Variants in PARD3 observed in about 807,000 individuals in gnomAD.
PARD3 encodes par-3 family cell polarity regulator.
In PARD3, 75 loss-of-function variants were observed where a neutral mutation model predicts 155.4. That is an observed-to-expected ratio of 0.48 (90% CI 0.40 to 0.58). The LOEUF (loss-of-function observed/expected upper bound fraction) is 0.58, where lower values mean the gene tolerates loss of function less well. PARD3 is among the 20% of genes least tolerant of loss of function. The pLI, the probability that PARD3 is intolerant of heterozygous loss-of-function variation, is 0.00. For missense variants in PARD3, 1,642 were observed against 1,721.7 expected (o/e 0.95, Z 0.82); for synonymous variants, 576 against 610.5 (o/e 0.94, Z 0.83).
intron 5 of PARD3, among the ~76,000 whole-genome samples, chr10:34,427,825 C>T (rs1315315577): frequency 2.6e-5 from 4 of 152,042 alleles, no homozygotes; most frequent in Non-Finnish European, 4.4e-5. Context: ...AAAGAAACTA[C>T]GTTGAATTAT....
intron 1 of PARD3, among the ~76,000 whole-genome samples, chr10:34,759,535 GGAT>G (rs140145657): frequency 1.4e-3 from 214 of 152,322 alleles, no homozygotes; most frequent in Admixed American, 2.7e-3. Flanking sequence ...TTTCACTGAA[GGAT>G]GATGCACATA....
intron 14 of PARD3, among the ~76,000 whole-genome samples, chr10:34,355,924 CAAA>C (rs869284165): frequency 9.4e-4 from 40 of 42,748 alleles, no homozygotes; most frequent in African/African-American, 3.1e-3. Context: ...CACTCCGTCT[CAAA>C]AAAAAAAAAA....
intron 22 of PARD3, among the ~76,000 whole-genome samples, chr10:34,171,935 G>A (rs1395344685): frequency 1.3e-4 from 14 of 105,110 alleles, no homozygotes; most frequent in Non-Finnish European, 1.9e-4. Context: ...GGGTGACAGA[G>A]ATGAGACTCC....
At chr10:34,626,594 T>C (rs1448178473) in intron 2 of PARD3, among the ~76,000 whole-genome samples, 1 of 152,218 alleles carries the variant, frequency 6.6e-6, no homozygotes, top group Admixed American at 6.5e-5. Flanking sequence ...AGGGCATATA[T>C]TATATCTGTT....
chr10:34,235,484 T>C (rs776855092), intron 22 of PARD3, among the ~76,000 whole-genome samples: 1 of 152,236 alleles, frequency 6.6e-6, no homozygotes, highest in Non-Finnish European at 1.5e-5. Flanking sequence ...CATAGATATT[T>C]TTGTGATGGA....
intron 4 of PARD3, among the ~76,000 whole-genome samples, chr10:34,450,860 A>G (rs554809088): frequency 2.0e-5 from 3 of 152,192 alleles, no homozygotes; most frequent in Non-Finnish European, 4.4e-5. Context: ...ATCTTAATTC[A>G]TCAGAAATGC....
At chr10:34,253,015 T>C (rs965353809) in intron 22 of PARD3, among the ~76,000 whole-genome samples, 1 of 152,208 alleles carries the variant, frequency 6.6e-6, no homozygotes, top group African/African-American at 2.4e-5. Flanking sequence ...TTTGCCTTGA[T>C]CTGGTATAAA....
chr10:34,116,598 G>C (rs982562801), intron 24 of PARD3, among the ~76,000 whole-genome samples: 3 of 152,178 alleles, frequency 2.0e-5, no homozygotes, highest in African/African-American at 7.2e-5. Flanking sequence ...AGGGTTCTAT[G>C]TTCCTAATCT....
chr10:34,222,624 C>G (rs1353400692), intron 22 of PARD3, among the ~76,000 whole-genome samples: 2 of 152,194 alleles, frequency 1.3e-5, no homozygotes, highest in African/African-American at 2.4e-5. Context: ...TGTGAAGGTA[C>G]CCCAGGTCTG....
At chr10:34,780,860 AAACT>A (rs1454072503) in intron 1 of PARD3, among the ~76,000 whole-genome samples, 2 of 152,236 alleles carry the variant, frequency 1.3e-5, no homozygotes, top group African/African-American at 2.4e-5. Flanking sequence ...GAAATGCTGA[AAACT>A]AACATTCACC....
intron 2 of PARD3, among the ~76,000 whole-genome samples, chr10:34,635,082 G>T (rs2092419927): frequency 6.6e-6 from 1 of 152,222 alleles, no homozygotes; most frequent in Non-Finnish European, 1.5e-5. Flanking sequence ...CAAAACCGGA[G>T]ATTCACTTCT....
intron 1 of PARD3, among the ~76,000 whole-genome samples, chr10:34,720,799 A>AG (rs34254152): frequency 2.5e-5 from 2 of 79,740 alleles, no homozygotes; most frequent in South Asian, 2.8e-4. Context: ...CTCTGTCTCC[A>AG]AAAAAAAAAA....
intron 22 of PARD3, among the ~76,000 whole-genome samples, chr10:34,196,574 T>TC (rs1564472999): frequency 5.6e-5 from 8 of 142,138 alleles, no homozygotes; most frequent in Non-Finnish European, 6.1e-5. Flanking sequence ...TTTTCTTTTT[T>TC]TTTTTTTTTT....
At chr10:34,380,339 G>T (rs1204066255) in intron 9 of PARD3, among the ~76,000 whole-genome samples, 1 of 151,990 alleles carries the variant, frequency 6.6e-6, no homozygotes. Flanking sequence ...ATTACTCAAG[G>T]TCTGAAAAAC....
chr10:34,704,663 A>G (rs1055577752), intron 1 of PARD3, among the ~76,000 whole-genome samples: 6 of 152,226 alleles, frequency 3.9e-5, no homozygotes, highest in African/African-American at 1.4e-4. Flanking sequence ...GGAAAAGGCA[A>G]CCTCTCCCAA....
intron 22 of PARD3, among the ~76,000 whole-genome samples, chr10:34,249,778 G>A (rs957820598): frequency 1.3e-5 from 2 of 152,080 alleles, no homozygotes; most frequent in African/African-American, 4.8e-5. Flanking sequence ...ATTAATCTGA[G>A]GGCCCATCTC....
In PARD3 at chr10:34,524,610, A is replaced by C. The variant is rs550542841; in HGVS notation, c.223-7451T>G. Reference sequence around the variant, plus strand: ...CGTATAGCCATCAGCTAACTGACCCACCTGCCAAATATAATATAAACCCCT... The same window carrying C: ...CGTATAGCCATCAGCTAACTGACCCCCCTGCCAAATATAATATAAACCCCT... On this transcript the variant is annotated intron_variant, in intron 2 of 24. Transcript: ENST00000374788. Among the ~76,000 whole-genome samples the C allele has an allele frequency of 1.1e-4, 16 of 152,290 alleles. No homozygotes were observed. The East Asian group carries it at 3.1e-3, about 29-fold the overall frequency.
rs145989901 is a variant in PARD3 at position 34,416,803 on chromosome 10, T to C, written c.715-14886A>G. On this transcript the variant is annotated intron_variant, in intron 5 of 24. Transcript: ENST00000374788. ...TGACTTTAAATACCTTTAAAAAAGATTGTATCACAACATGAACTGTAATGG... is the reference window on the plus strand; with the variant it reads ...TGACTTTAAATACCTTTAAAAAAGACTGTATCACAACATGAACTGTAATGG... 1.2e-4 allele frequency among the ~76,000 whole-genome samples: 18 copies of C among 152,330 alleles called. No individual in the cohort carries two copies. The East Asian group carries it at 2.3e-3, about 20-fold the overall frequency.
At chr10:34,177,906 C>T (rs1286202535) in intron 22 of PARD3, among the ~76,000 whole-genome samples, 1 of 152,098 alleles carries the variant, frequency 6.6e-6, no homozygotes, top group Non-Finnish European at 1.5e-5. Context: ...GGCCCTCAGC[C>T]GTTCTAATTT....
Sources: gnomAD v4.1 joint callset for allele counts (sites outside exome capture counted in the v4.1 genomes callset) on GRCh38, gnomAD v4.1.1 for gene constraint, MANE v1.5 for transcripts, NCBI Gene and HGNC (gene_info 2026-07-23, HGNC 2026-07-21) for gene names.